REPS2: variants seen among roughly 807,000 people sequenced by gnomAD.
The protein encoded by REPS2 is ralBP1-associated Eps domain-containing protein 2.
A neutral mutation model predicts 53.6 loss-of-function variants in REPS2; 23 were observed. The observed-to-expected ratio is 0.43, with a 90% CI of 0.31 to 0.61. The LOEUF (loss-of-function observed/expected upper bound fraction) is 0.61, where lower values mean the gene tolerates loss of function less well. Ranked by LOEUF, REPS2 falls within the 20% of genes least tolerant of loss-of-function variation. The pLI, the probability that REPS2 is intolerant of heterozygous loss-of-function variation, is 0.11. For synonymous variants in REPS2, 238 were observed against 218.6 expected, an observed-to-expected ratio of 1.09 and a Z score of -0.78; for missense variants, 446 against 534.9, an observed-to-expected ratio of 0.83 and a Z score of 1.64.
intron 5 of REPS2, among the ~76,000 whole-genome samples, chrX:17,031,960 G>T: frequency 8.9e-6 from 1 of 112,284 alleles, no homozygotes; most frequent in East Asian, 2.8e-4. Flanking sequence ...CAAGTTCACA[G>T]CTAGGAAGTG....
intron 1 of REPS2, among the ~76,000 whole-genome samples, chrX:16,957,771 T>C (rs934235604): frequency 8.0e-5 from 9 of 112,204 alleles, no homozygotes; most frequent in Admixed American, 7.6e-4. Flanking sequence ...CCAGATTTTT[T>C]AGTCTCAGCA....
chrX:17,098,255 A>C (rs756324566), intron 13 of REPS2, among the ~76,000 whole-genome samples: 5 of 112,268 alleles, frequency 4.5e-5, no homozygotes, highest in Non-Finnish European at 9.4e-5. Flanking sequence ...CCACATTAAC[A>C]AATTATAAGG....
intron 13 of REPS2, among the ~76,000 whole-genome samples, chrX:17,089,535 G>T (rs1861465609): frequency 8.9e-6 from 1 of 111,906 alleles, no homozygotes; most frequent in Non-Finnish European, 1.9e-5. Context: ...CCTGTTTACA[G>T]TTAATCCCCA....
chrX:17,121,725 T>G (rs2063143514), intron 14 of REPS2, among the ~76,000 whole-genome samples: 1 of 111,818 alleles, frequency 8.9e-6, no homozygotes, highest in South Asian at 3.8e-4. Flanking sequence ...AACTTTTTTT[T>G]TTTTGAGACG....
chrX:17,186,277 C>T, the REPS2 span, among the ~76,000 whole-genome samples: 1 of 112,382 alleles, frequency 8.9e-6, no homozygotes, highest in Non-Finnish European at 1.9e-5. Flanking sequence ...TTCCTTGCAG[C>T]TGGGGCAATG....
At chrX:17,109,259 G>C (rs1345739129) in intron 14 of REPS2, among the ~76,000 whole-genome samples, 1 of 111,027 alleles carries the variant, frequency 9.0e-6, no homozygotes, top group African/African-American at 3.3e-5. Context: ...GGAATCATCT[G>C]GGGGAGCTTT....
chrX:17,184,165 C>G, the REPS2 span, among the ~76,000 whole-genome samples: 1 of 104,470 alleles, frequency 9.6e-6, no homozygotes, highest in East Asian at 3.1e-4. Context: ...TCTCCCAGTG[C>G]TATCACTCCC....
intron 14 of REPS2, among the ~76,000 whole-genome samples, chrX:17,108,946 G>A (rs1603042139): frequency 2.1e-5 from 2 of 96,647 alleles, no homozygotes. Flanking sequence ...CTGGCTAAAA[G>A]ATACAGAGCT....
chrX:17,044,081 A>G (rs1310953585), intron 5 of REPS2, among the ~76,000 whole-genome samples: 1 of 111,821 alleles, frequency 8.9e-6, no homozygotes, highest in Non-Finnish European at 1.9e-5. Context: ...AGAGGAGTTA[A>G]TCACCCCCTT....
intron 5 of REPS2, 93 bp from the exon 6 acceptor site, chrX:17,047,254 A>G: frequency 2.0e-6 from 2 of 991,142 alleles, no homozygotes; most frequent in Non-Finnish European, 2.8e-6. Flanking sequence ...AAAATTAAGC[A>G]TAACACATGA....
intron 14 of REPS2, among the ~76,000 whole-genome samples, chrX:17,130,353 G>T (rs761200186): frequency 3.8e-4 from 42 of 111,820 alleles, no homozygotes; most frequent in Admixed American, 1.2e-3. Flanking sequence ...CTTGGGGATT[G>T]ACCTTAGTGT....
At chrX:17,108,324 C>T (rs915938117) in intron 14 of REPS2, among the ~76,000 whole-genome samples, 2 of 110,213 alleles carry the variant, frequency 1.8e-5, no homozygotes, top group Non-Finnish European at 3.8e-5. Context: ...CAGGCATGCA[C>T]CACCACGCCC....
chrX:17,080,462 C>T (rs927301370), intron 13 of REPS2, among the ~76,000 whole-genome samples: 7 of 111,104 alleles, frequency 6.3e-5, no homozygotes, highest in African/African-American at 2.3e-4. Flanking sequence ...ATAATATAAA[C>T]GAGGCAGAGG....
intron 11 of REPS2, among the ~76,000 whole-genome samples, chrX:17,070,420 A>G (rs966108848): frequency 8.9e-6 from 1 of 112,107 alleles, no homozygotes; most frequent in African/African-American, 3.2e-5. Context: ...ATTATGCTTC[A>G]CCACCAGGAA....
intron 14 of REPS2, among the ~76,000 whole-genome samples, chrX:17,115,853 T>TTA (rs930445821): frequency 8.9e-6 from 1 of 111,762 alleles, no homozygotes; most frequent in African/African-American, 3.3e-5. Flanking sequence ...GGGGGTAAGG[T>TTA]TATAGATTAA....
intron 5 of REPS2, among the ~76,000 whole-genome samples, chrX:17,033,169 G>A (rs149980225): frequency 2.0e-3 from 219 of 111,790 alleles, no homozygotes; most frequent in African/African-American, 5.9e-3. Flanking sequence ...ATGTTAAGCC[G>A]TTGTCTTTAT....
chrX:16,985,087 C>A (rs755039040), intron 1 of REPS2, among the ~76,000 whole-genome samples: 1 of 111,460 alleles, frequency 9.0e-6, no homozygotes, highest in South Asian at 3.8e-4. Flanking sequence ...TCAGTTTATA[C>A]AAATTAAGAA....
the REPS2 span, among the ~76,000 whole-genome samples, chrX:17,174,796 G>A: frequency 8.9e-6 from 1 of 112,807 alleles, no homozygotes; most frequent in East Asian, 2.8e-4. Flanking sequence ...CACTGCTGCT[G>A]CCGCCGCCGC....
intron 14 of REPS2, among the ~76,000 whole-genome samples, chrX:17,112,764 C>A (rs975589827): frequency 6.6e-4 from 73 of 110,198 alleles, no homozygotes; most frequent in African/African-American, 2.4e-3. Context: ...AAGAAGAGAT[C>A]CAAAATCAAC....
Sources: allele counts gnomAD v4.1 joint callset (sites outside exome capture counted in the v4.1 genomes callset), GRCh38; gene constraint gnomAD v4.1.1; transcripts MANE v1.5; gene names NCBI Gene and HGNC (gene_info 2026-07-23, HGNC 2026-07-21).